TAB2: variants seen among roughly 807,000 people sequenced by gnomAD.
TAB2 encodes TGF-beta-activated kinase 1 and MAP3K7-binding protein 2.
TAB2 carries 3 observed loss-of-function variants against 65.0 expected under a neutral mutation model. The ratio of observed to expected loss-of-function variants is 0.05; its 90% CI spans 0.02 to 0.12. TAB2 has a LOEUF of 0.12. Ranked by LOEUF, TAB2 falls within the 10% of genes least tolerant of loss-of-function variation. The pLI is 1.00. For synonymous variants in TAB2, 298 were observed against 285.1 expected (o/e 1.05, Z -0.46); for missense variants, 623 against 840.3 (o/e 0.74, Z 3.20).
At chr6:149,399,612 C>G (rs1435940678) in intron 6 of TAB2, among the ~76,000 whole-genome samples, 2 of 150,754 alleles carry the variant, frequency 1.3e-5, no homozygotes, top group Non-Finnish European at 2.9e-5. Flanking sequence ...GAATAGTTTT[C>G]TACCTTCTAT....
intron 2 of TAB2, among the ~76,000 whole-genome samples, chr6:149,371,346 A>G (rs1781220486): frequency 6.6e-6 from 1 of 152,056 alleles, no homozygotes; most frequent in Admixed American, 6.6e-5. Context: ...TGCCCTTCTG[A>G]ATGAAGCTCA....
intron 1 of TAB2, among the ~76,000 whole-genome samples, chr6:149,297,478 C>T (rs1275380303): frequency 6.6e-6 from 1 of 152,090 alleles, no homozygotes; most frequent in Non-Finnish European, 1.5e-5. Flanking sequence ...TAATTTTTTT[C>T]AATTAGCATA....
Position 149,379,378 on chromosome 6 carries a change from C to G in TAB2, c.1463C>G (p.Thr488Arg), listed in dbSNP as rs1188254211. Reference sequence around the variant, plus strand: ...GTGGTGTCCCCTACCTTTGAACTTACAAATCTTCTTAATCATCCTGATCAT... The same window carrying G: ...GTGGTGTCCCCTACCTTTGAACTTAGAAATCTTCTTAATCATCCTGATCAT... ...PGVVSPTFEL[T>R]NLLNHPDHYV... The change falls in exon 3 of 7, where the codon ACA becomes AGA. Residue 488 changes from threonine to arginine, a missense_variant. Coordinates refer to ENST00000637181, the MANE Select transcript of TAB2 (RefSeq NM_001292034.3). The G allele has an allele frequency of 1.1e-5, 17 of 1,614,090 alleles. No homozygotes were observed. The highest frequency in any genetic ancestry group is 4.4e-5 in the South Asian group (4 of 91,094).
chr6:149,384,224 A>G (rs1396332028), intron 3 of TAB2, among the ~76,000 whole-genome samples: 1 of 152,244 alleles, frequency 6.6e-6, no homozygotes, highest in East Asian at 1.9e-4. Flanking sequence ...GAACATACGT[A>G]CATACATAAA....
chr6:149,352,841 T>G (rs931726339), intron 1 of TAB2, among the ~76,000 whole-genome samples: 6 of 152,222 alleles, frequency 3.9e-5, no homozygotes, highest in Admixed American at 2.0e-4. Context: ...GCCCAGTGAT[T>G]TTGTTTCAGG....
At chr6:149,274,323 A>C (rs1361476002) in intron 1 of TAB2, among the ~76,000 whole-genome samples, 1 of 152,194 alleles carries the variant, frequency 6.6e-6, no homozygotes, top group Non-Finnish European at 1.5e-5. Context: ...GGAGTCACAG[A>C]CTCTACAACC....
intron 6 of TAB2, among the ~76,000 whole-genome samples, chr6:149,402,360 A>T (rs1048572140): frequency 5.3e-5 from 8 of 152,300 alleles, no homozygotes; most frequent in Admixed American, 2.0e-4. Context: ...TCCAAAAAAA[A>T]TTGATATCAC....
At chr6:149,345,915 A>G (rs1321449752) in intron 1 of TAB2, among the ~76,000 whole-genome samples, 1 of 152,134 alleles carries the variant, frequency 6.6e-6, no homozygotes, top group African/African-American at 2.4e-5. Context: ...ATCATATTCC[A>G]CTAAACAACA....
intron 1 of TAB2, among the ~76,000 whole-genome samples, chr6:149,354,170 C>T (rs544968232): frequency 4.6e-5 from 7 of 152,138 alleles, no homozygotes; most frequent in Non-Finnish European, 8.8e-5. Flanking sequence ...GCCCTTTGAA[C>T]ACAAACACCT....
chr6:149,309,681 G>A (rs1779134042), intron 1 of TAB2, among the ~76,000 whole-genome samples: 2 of 151,258 alleles, frequency 1.3e-5, no homozygotes, highest in South Asian at 4.2e-4. Context: ...ACAGGCGTGA[G>A]CCACCACGCC....
chr6:149,400,572 C>G lies in TAB2; in HGVS notation c.1939+1388C>G, dbSNP rs769921334. 15 of 1,614,158 alleles carry G rather than the reference C, an allele frequency of 9.3e-6. 1 individual carries two copies. Among genetic ancestry groups the G allele is most frequent in the Middle Eastern group, 1.6e-4 (1 of 6,062 alleles). ...ATTGTCAGTGAAGCAGATCAGATTC[C>G]GATTTGGTGGGCAACCAATCAGTGG... On this transcript the variant is annotated intron_variant, in intron 6 of 6. Transcript: ENST00000637181.
rs1331832667 is a variant in TAB2, at chr6:149,379,358, G to A, written c.1443G>A (p.Val481=). ...CCCCTGCAGTTTCACCAGGGGTGGT[G>A]TCCCCTACCTTTGAACTTACAAATC... The part of the protein sequence containing the change: ...NKPPAVSPGV[V]SPTFELTNLL... The change falls in exon 3 of 7, where the codon GTG becomes GTA. Residue 481 remains valine, a synonymous_variant. Coordinates refer to ENST00000637181, the MANE Select transcript of TAB2 (RefSeq NM_001292034.3). 6.2e-7 allele frequency: 1 copy of A among 1,614,178 alleles called. No homozygotes were observed. The highest frequency in any genetic ancestry group is 8.5e-7 in the Non-Finnish European group (1 of 1,180,028).
chr6:149,318,181 C>A (rs1054193131), intron 1 of TAB2, among the ~76,000 whole-genome samples, 166 bp downstream of exon 1: 6 of 151,974 alleles, frequency 3.9e-5, no homozygotes, highest in Admixed American at 3.9e-4. Context: ...TTCCTTCCCC[C>A]AGTGGCGTGG....
At chr6:149,327,763 T>A (rs511105) in intron 1 of TAB2, among the ~76,000 whole-genome samples, 18,545 of 152,236 alleles carry the variant, frequency 0.12, 1,737 homozygotes, top group East Asian at 0.51. Flanking sequence ...GATGATTTTA[T>A]AGGAAATGGA....
In TAB2 at chr6:149,378,675, G is replaced by T. The variant is rs774833204; in HGVS notation, c.760G>T (p.Gly254Cys). 6.2e-7 allele frequency: 1 copy of T among 1,613,696 alleles called. No individual in the cohort carries two copies. The highest frequency in any genetic ancestry group is 8.5e-7 in the Non-Finnish European group (1 of 1,180,018). The change falls in exon 3 of 7, where the codon GGT (glycine) becomes TGT (cysteine). Residue 254 changes from glycine to cysteine, a missense_variant. Physicochemically the swap from Gly to Cys is radical, Grantham distance 159. Coordinates refer to ENST00000637181, the MANE Select transcript of TAB2 (RefSeq NM_001292034.3). ...GCAAGTTTATCAGCCTTCACAGCCT[G>T]GTCCCTGGACTACTTGTCCTGCATC... Reference protein sequence around the residue: ...PQQVYQPSQPGPWTTCPASNP... With the variant: ...PQQVYQPSQPCPWTTCPASNP...
chr6:149,392,644 T>C (rs1782029166), intron 3 of TAB2, among the ~76,000 whole-genome samples: 1 of 150,248 alleles, frequency 6.7e-6, no homozygotes. Context: ...CACTCCTTCA[T>C]TCAGCTGTCA....
chr6:149,350,658 A>G (rs1379887068), intron 1 of TAB2, among the ~76,000 whole-genome samples: 2 of 125,606 alleles, frequency 1.6e-5, no homozygotes, highest in East Asian at 4.5e-4. Context: ...TCAGTCACCC[A>G]GGCTGGAGTG....
chr6:149,291,197 G>T (rs182364652), intron 1 of TAB2, among the ~76,000 whole-genome samples: 1 of 152,282 alleles, frequency 6.6e-6, no homozygotes, highest in Non-Finnish European at 1.5e-5. Context: ...CATAATCTGG[G>T]ATCTGAAAAA....
At chr6:149,226,012 C>T (rs181549280) in intron 1 of TAB2, among the ~76,000 whole-genome samples, 1 of 152,082 alleles carries the variant, frequency 6.6e-6, no homozygotes, top group East Asian at 1.9e-4. Context: ...GGCCTGTGCT[C>T]TCAGAAGCTC....
Sources: allele counts gnomAD v4.1 joint callset (sites outside exome capture counted in the v4.1 genomes callset), GRCh38; gene constraint gnomAD v4.1.1; transcripts MANE v1.5; gene names NCBI Gene and HGNC (gene_info 2026-07-23, HGNC 2026-07-21).